The following OIT3 variants were observed in gnomAD, a reference collection of about 807,000 sequenced individuals.
The protein encoded by OIT3 is oncoprotein-induced transcript 3 protein.
A neutral mutation model predicts 52.2 loss-of-function variants in OIT3; 41 were observed. The ratio of observed to expected loss-of-function variants is 0.79; its 90% CI spans 0.61 to 1.02. The LOEUF is 1.02. Among genes scored for constraint, OIT3 ranks in the 50% least tolerant of loss-of-function variants. The pLI, the probability that OIT3 is intolerant of heterozygous loss-of-function variation, is 0.00. For synonymous variants in OIT3, 244 were observed against 276.9 expected (o/e 0.88, Z 1.18); for missense variants, 634 against 715.5 (o/e 0.89, Z 1.30).
chr10:72,913,155 G>A (rs775216410), intron 5 of OIT3, among the ~76,000 whole-genome samples, 153 bp from the exon 6 acceptor site: 2 of 152,202 alleles, frequency 1.3e-5, no homozygotes, highest in Non-Finnish European at 2.9e-5. Context: ...GTTAAGAATA[G>A]TGGTTTTATT....
At chr10:72,921,482 G>A (rs535429069) in intron 6 of OIT3, among the ~76,000 whole-genome samples, 69 of 152,038 alleles carry the variant, frequency 4.5e-4, no homozygotes, top group Admixed American at 7.9e-4. Flanking sequence ...GTATGTTTTT[G>A]TAGTGGCTGG....
At chr10:72,896,768 T>C (rs889213771) in intron 1 of OIT3, among the ~76,000 whole-genome samples, 1 of 152,240 alleles carries the variant, frequency 6.6e-6, no homozygotes, top group Non-Finnish European at 1.5e-5. Context: ...GCCCACAAAA[T>C]GTATTGGCCC....
At chr10:72,901,293 C>T (rs1041811388) in intron 3 of OIT3, among the ~76,000 whole-genome samples, 8 of 152,158 alleles carry the variant, frequency 5.3e-5, no homozygotes, top group African/African-American at 1.9e-4. Flanking sequence ...CCTCTAGCTT[C>T]ACTGATACAA....
At chr10:72,901,651 T>C (rs1845935785) in intron 3 of OIT3, among the ~76,000 whole-genome samples, 1 of 152,242 alleles carries the variant, frequency 6.6e-6, no homozygotes, top group African/African-American at 2.4e-5. Context: ...TCTTGCTCTG[T>C]CGCCCAGGCT....
intron 6 of OIT3, among the ~76,000 whole-genome samples, chr10:72,921,775 G>A (rs559781475): frequency 8.6e-5 from 13 of 151,086 alleles, no homozygotes; most frequent in Non-Finnish European, 1.2e-4. Flanking sequence ...AGGTTCAAGC[G>A]ATTCTCTTGC....
At chr10:72,900,330 T>C in intron 2 of OIT3, 47 bp from the exon 3 acceptor site, 1 of 1,013,040 alleles carries the variant, frequency 9.9e-7, no homozygotes, top group Non-Finnish European at 1.5e-6. Flanking sequence ...TGAAAGAGTG[T>C]CTTCTGGTCT....
rs1266649334 is a variant in OIT3, at chr10:72,899,692, AGATAGATAGAT to A, written c.436+666_437-663del. On this transcript the variant is annotated intron_variant, in intron 2 of 8. Coordinates refer to ENST00000334011, the MANE Select transcript of OIT3 (RefSeq NM_152635.3). ...TTTGAGTATGGAGAACCCCTTTTTA[AGATAGATAGAT>A]GATAGATAGATAGATAGATAGATAG... Among the ~76,000 whole-genome samples the A allele has an allele frequency of 3.2e-4, 46 of 141,884 alleles. 1 individual carries two copies. The highest frequency in any genetic ancestry group is 1.2e-3 in the African/African-American group (45 of 36,458). The allele number at this position is 141,884 out of a possible 152,430, so 93.1% of individuals were successfully genotyped here. A position where few individuals can be genotyped will look rare whatever the true frequency, so the allele number is the denominator to read the frequency against.
rs1337912255 is a variant in OIT3, at chr10:72,909,308, C to T, written c.668-2409C>T. 5.3e-5 allele frequency among the ~76,000 whole-genome samples: 8 copies of T among 151,844 alleles called. No individual in the cohort carries two copies. The South Asian group carries it at 1.7e-3, about 32-fold the overall frequency. ...GCTAGTTTTTGTATTTTTATAGAAA[C>T]AGGGTTTCACCATGTTGGCCAGGCT... is the stretch of plus-strand genomic sequence containing the variant. On this transcript the variant is annotated intron_variant, in intron 4 of 8. Transcript: ENST00000334011.
intron 6 of OIT3, chr10:72,917,580 T>G: frequency 2.7e-6 from 2 of 734,970 alleles, no homozygotes; most frequent in Non-Finnish European, 5.0e-6. Context: ...AGATATCAAC[T>G]GTTACAGAAA....
At chr10:72,894,255 A>T (rs984592241) in intron 1 of OIT3, among the ~76,000 whole-genome samples, 1 of 152,150 alleles carries the variant, frequency 6.6e-6, no homozygotes, top group African/African-American at 2.4e-5. Context: ...CTCTGTTGCC[A>T]TGGGGGGCAC....
In OIT3 at chr10:72,924,515, G is replaced by C; in HGVS notation, c.1238G>C (p.Arg413Pro). The change falls in exon 7 of 9, where the codon CGT (arginine) becomes CCT (proline). Residue 413 changes from arginine to proline, a missense_variant. By Grantham distance (103) the Arg-to-Pro change is moderately radical. Coordinates refer to ENST00000334011, the MANE Select transcript of OIT3 (RefSeq NM_152635.3). Reference protein sequence around the residue: ...YREALPTLKLRDSLYFGIEPV... With the variant: ...YREALPTLKLPDSLYFGIEPV... ...GAAGCTCTGCCCACCCTCAAGCTTC[G>C]TGACTCCCTCTACTTTGGCATTGAG... 8.7e-6 allele frequency: 14 copies of C among 1,614,162 alleles called. No individual in the cohort carries two copies. Among genetic ancestry groups the C allele is most frequent in the Non-Finnish European group, 1.2e-5 (14 of 1,180,042 alleles).
Position 72,932,553 on chromosome 10 carries a change from T to C in OIT3, c.*29T>C, listed in dbSNP as rs779314351. 6.4e-7 allele frequency: 1 copy of C among 1,557,180 alleles called. No homozygotes were observed. The highest frequency in any genetic ancestry group is 1.9e-5 in the Admixed American group (1 of 53,198). On this transcript the variant is annotated 3_prime_UTR_variant, in exon 9 of 9. Coordinates refer to ENST00000334011, the MANE Select transcript of OIT3 (RefSeq NM_152635.3). ...GTAGCCATACCTCGAGTCCCTGCAT[T>C]GGACGGCTCTGCTCTTTGGAGCTTC...
intron 6 of OIT3, 124 bp from the exon 7 acceptor site, chr10:72,924,105 C>T (rs180780388): frequency 2.3e-6 from 2 of 859,794 alleles, no homozygotes; most frequent in East Asian, 5.0e-5. Context: ...AAACTTCATC[C>T]TTAGGCAACC....
chr10:72,894,181 C>T (rs1413084430), intron 1 of OIT3, among the ~76,000 whole-genome samples: 1 of 147,572 alleles, frequency 6.8e-6, no homozygotes, highest in African/African-American at 2.5e-5. Flanking sequence ...ACTTGAAGAG[C>T]CAAAAAAAAA....
Position 72,894,707 on chromosome 10 carries a change from G to A in OIT3, c.61+848G>A, listed in dbSNP as rs543350150. On this transcript the variant is annotated intron_variant, in intron 1 of 8. Transcript: ENST00000334011. ...AGCCTGGCCAACATGGTGAAACTCC[G>A]TCTCTACTAAAAATACATACACACA... Among the ~76,000 whole-genome samples, 8 of 152,126 alleles carry A rather than the reference G, an allele frequency of 5.3e-5. No individual in the cohort carries two copies. In the South Asian group the frequency reaches 1.0e-3, roughly 20 times the overall value.
intron 4 of OIT3, among the ~76,000 whole-genome samples, chr10:72,907,431 T>A (rs1315844312): frequency 1.3e-5 from 2 of 152,234 alleles, no homozygotes; most frequent in East Asian, 3.9e-4. Flanking sequence ...ATGCTGCTGG[T>A]CCAAGGAGCA....
chr10:72,923,935 C>T (rs1044158095), intron 6 of OIT3, among the ~76,000 whole-genome samples: 5 of 151,270 alleles, frequency 3.3e-5, no homozygotes, highest in Admixed American at 6.6e-5. Flanking sequence ...TGGGCAGAGC[C>T]GGTTGGAGGC....
intron 8 of OIT3, 59 bp downstream of exon 8, chr10:72,930,696 TGGTGTCCCAGTG>T: frequency 1.1e-6 from 1 of 926,402 alleles, no homozygotes. Context: ...TTTTTTTTTT[TGGTGTCCCAGTG>T]TGTTGACATT....
In OIT3 at chr10:72,932,541, G is replaced by A. The variant is rs749398533; in HGVS notation, c.*17G>A. On this transcript the variant is annotated 3_prime_UTR_variant, in exon 9 of 9. Coordinates refer to ENST00000334011, the MANE Select transcript of OIT3 (RefSeq NM_152635.3). ...GAGGACTAGTTCGTAGCCATACCTC[G>A]AGTCCCTGCATTGGACGGCTCTGCT... 1.8e-5 allele frequency: 28 copies of A among 1,577,754 alleles called. No individual in the cohort carries two copies. Among genetic ancestry groups the A allele is most frequent in the Non-Finnish European group, 2.2e-5 (26 of 1,161,962 alleles).
Sources: allele counts gnomAD v4.1 joint callset (sites outside exome capture counted in the v4.1 genomes callset), GRCh38; gene constraint gnomAD v4.1.1; transcripts MANE v1.5; gene names NCBI Gene and HGNC (gene_info 2026-07-23, HGNC 2026-07-21).